The following PTF1A variants were observed in gnomAD, a reference collection of about 807,000 sequenced individuals.
The protein encoded by PTF1A is pancreas associated transcription factor 1a.
In PTF1A, 18 loss-of-function variants were observed where a neutral mutation model predicts 22.6. The observed-to-expected ratio is 0.80, with a 90% CI of 0.55 to 1.18. The LOEUF is 1.18. Among genes scored for constraint, PTF1A ranks in the 50% most tolerant of loss-of-function variants. The probability of loss-of-function intolerance (pLI) is 0.00; values close to 1 mark genes in which losing one functional copy is unlikely to be tolerated. For synonymous variants in PTF1A, 259 were observed against 227.9 expected (o/e 1.14, Z -1.23); for missense variants, 477 against 473.0 (o/e 1.01, Z -0.08).
At chr10:23,193,413 A>ACAATC in intron 1 of PTF1A, 99 bp downstream of exon 1, 1 of 1,193,236 alleles carries the variant, frequency 8.4e-7, no homozygotes, top group Non-Finnish European at 1.1e-6. Flanking sequence ...AGTCGGACCG[A>ACAATC]CGGATTGTCG....
rs761959745 is a variant in PTF1A at position 23,192,514 on chromosome 10, C to T, written c.-17C>T. On this transcript the variant is annotated 5_prime_UTR_variant, in exon 1 of 2. Coordinates refer to ENST00000376504, the MANE Select transcript of PTF1A (RefSeq NM_178161.3). ...ACGCGCAGCCCGGCAGTCCCGCTGC[C>T]CACTGCGGCGGCGAGCATGGACGCG... The T allele has an allele frequency of 1.3e-6, 2 of 1,594,586 alleles. No individual in the cohort carries two copies. The highest frequency in any genetic ancestry group is 4.7e-5 in the East Asian group (2 of 42,434).
Position 23,192,611 on chromosome 10 carries a change from C to T in PTF1A, c.81C>T (p.Phe27=), listed in dbSNP as rs766603590. The T allele has an allele frequency of 2.5e-6, 4 of 1,603,828 alleles. No homozygotes were observed. The East Asian group carries it at 9.2e-5, about 37-fold the overall frequency. ...CGTACTTCGACGAGGACGACTTCTT[C>T]ACCGACCAGTCTTCACGGGACCCCC... ...PSSYFDEDDF[F]TDQSSRDPLE... The change falls in exon 1 of 2, where the codon TTC becomes TTT. Residue 27 remains phenylalanine, a synonymous_variant. Transcript: ENST00000376504.
chr10:23,192,743 GC>G lies in PTF1A; in HGVS notation c.216del (p.Ala73ArgfsTer7). 1 of 1,465,406 alleles carries G rather than the reference GC, an allele frequency of 6.8e-7. No individual in the cohort carries two copies. The highest frequency in any genetic ancestry group is 9.0e-7 in the Non-Finnish European group (1 of 1,109,766). The allele number at this position is 1,465,406 out of a possible 1,614,324, so 90.8% of individuals were successfully genotyped here. A position where few individuals can be genotyped will look rare whatever the true frequency, so the allele number is the denominator to read the frequency against. On this transcript the variant is annotated frameshift_variant, in exon 1 of 2. Coordinates refer to ENST00000376504, the MANE Select transcript of PTF1A (RefSeq NM_178161.3). LOFTEE classifies it high-confidence loss of function. The stretch of plus-strand genomic sequence containing the variant: ...GCGACGGGGCGTGCCTGCTGCTGCA[GC>G]CCGCGCCCCCGGCCGCCCCGCTAGC... ...YRDGACLLLQ[P>X]APPAAPLALA...
Position 23,193,797 on chromosome 10 carries a change from ATAT to A in PTF1A, c.882_884del (p.Ile295del), listed in dbSNP as rs753932403. ...GATGAAAAACAACTCAAGGAACAAA[ATAT>A]TATCCGAACAGCCAAAGTCTGGACC... is the stretch of plus-strand genomic sequence containing the variant. On this transcript the variant is annotated inframe_deletion, in exon 2 of 2. Coordinates refer to ENST00000376504, the MANE Select transcript of PTF1A (RefSeq NM_178161.3). 2.1e-5 allele frequency: 34 copies of A among 1,613,926 alleles called. No individual in the cohort carries two copies. Among genetic ancestry groups the A allele is most frequent in the African/African-American group, 4.0e-5 (3 of 75,024 alleles).
Position 23,192,369 on chromosome 10 carries a change from G to T in PTF1A, c.-162G>T. 1.2e-6 allele frequency: 1 copy of T among 835,632 alleles called. No homozygotes were observed. The highest frequency in any genetic ancestry group is 1.7e-6 in the Non-Finnish European group (1 of 590,002). The allele number at this position is 835,632 out of a possible 1,614,324, so 51.8% of individuals were successfully genotyped here. On this transcript the variant is annotated 5_prime_UTR_variant, in exon 1 of 2. Transcript: ENST00000376504. ...GCGCGAGCGCGGGCCAGAGCGCAGC[G>T]GCCGCGGGCACTCCAGGGAGGCCCG...
Position 23,194,009 on chromosome 10 carries a change from G to C in PTF1A, c.*103G>C. ...ATTTAAGAATCAAATTTTTCGAATG[G>C]CAATCAACTGTTTATTATTTATCTA... On this transcript the variant is annotated 3_prime_UTR_variant, in exon 2 of 2. Transcript: ENST00000376504. 1.1e-6 allele frequency: 1 copy of C among 871,812 alleles called. No homozygotes were observed. 54.0% of individuals were successfully genotyped at this position (871,812 alleles called of 1,614,324 possible).
chr10:23,192,455 T>G lies in PTF1A; in HGVS notation c.-76T>G, dbSNP rs555444660. The G allele has an allele frequency of 6.4e-7, 1 of 1,559,560 alleles. No individual in the cohort carries two copies. Among genetic ancestry groups the G allele is most frequent in the African/African-American group, 1.4e-5 (1 of 71,638 alleles). The stretch of plus-strand genomic sequence containing the variant: ...AGCCAGGGCCCCGGGAGGGAGGGGC[T>G]CGGACGGGCCTTAGAAACTCACCAA... On this transcript the variant is annotated 5_prime_UTR_variant, in exon 1 of 2. Transcript: ENST00000376504.
In PTF1A at chr10:23,192,326, A is replaced by G. The variant is rs1840896317; in HGVS notation, c.-205A>G. 2.2e-6 allele frequency: 1 copy of G among 460,164 alleles called. No individual in the cohort carries two copies. Among genetic ancestry groups the G allele is most frequent in the East Asian group, 4.0e-5 (1 of 25,012 alleles). 28.5% of individuals were successfully genotyped at this position (460,164 alleles called of 1,614,324 possible). On this transcript the variant is annotated 5_prime_UTR_variant, in exon 1 of 2. Coordinates refer to ENST00000376504, the MANE Select transcript of PTF1A (RefSeq NM_178161.3). ...GGCCCTCAGCTCCAGGAAGTCCGCC[A>G]CAGCCCTCCCCAGCGCAGCGCGAGC...
In PTF1A at chr10:23,193,023, C is replaced by A; in HGVS notation, c.493C>A (p.Arg165=). ...VRSEAELQQL[R]QAANVRERRR... is the part of the protein sequence containing the mutation. ...CTCCGAGGCGGAGCTGCAGCAGCTG[C>A]GGCAGGCGGCCAACGTGCGCGAGCG... is the stretch of plus-strand genomic sequence containing the variant. The change falls in exon 1 of 2, where the codon CGG becomes AGG. Residue 165 remains arginine (R), a synonymous_variant. Transcript: ENST00000376504. 7.8e-7 allele frequency: 1 copy of A among 1,281,474 alleles called. No individual in the cohort carries two copies. The highest frequency in any genetic ancestry group is 1.0e-6 in the Non-Finnish European group (1 of 1,000,716). The allele number at this position is 1,281,474 out of a possible 1,614,324, so 79.4% of individuals were successfully genotyped here.
Position 23,192,499 on chromosome 10 carries a change from C to G in PTF1A, c.-32C>G, listed in dbSNP as rs748901036. ...TCACCAAGAACTAACACGCGCAGCCCGGCAGTCCCGCTGCCCACTGCGGCG... is the reference window on the plus strand; with the variant it reads ...TCACCAAGAACTAACACGCGCAGCCGGGCAGTCCCGCTGCCCACTGCGGCG... On this transcript the variant is annotated 5_prime_UTR_variant, in exon 1 of 2. Transcript: ENST00000376504. 1.3e-5 allele frequency: 21 copies of G among 1,594,244 alleles called. No individual in the cohort carries two copies. Among genetic ancestry groups the G allele is most frequent in the South Asian group, 8.8e-5 (8 of 90,404 alleles).
chr10:23,193,479 T>A (rs1588563319), intron 1 of PTF1A, 165 bp downstream of exon 1: 6 of 786,042 alleles, frequency 7.6e-6, no homozygotes, highest in Admixed American at 3.2e-5. Flanking sequence ...TTTTTTTTTT[T>A]TATTTTTCTG....
chr10:23,193,608 C>T (rs1263140446), intron 1 of PTF1A, 96 bp from the exon 2 acceptor site: 36 of 952,632 alleles, frequency 3.8e-5, no homozygotes, highest in Non-Finnish European at 5.2e-5. Context: ...CTAGTATAAC[C>T]GGAGAGCACC....
rs947774689 is a variant in PTF1A, at chr10:23,194,019, GTTTATTA to G, written c.*119_*125del. 3 of 808,198 alleles carry G rather than the reference GTTTATTA, an allele frequency of 3.7e-6. No homozygotes were observed. Among genetic ancestry groups the G allele is most frequent in the Admixed American group, 2.0e-5 (1 of 50,766 alleles). 50.1% of individuals were successfully genotyped at this position (808,198 alleles called of 1,614,324 possible). A position where few individuals can be genotyped will look rare whatever the true frequency, so the allele number is the denominator to read the frequency against. On this transcript the variant is annotated 3_prime_UTR_variant, in exon 2 of 2. Transcript: ENST00000376504. ...CAAATTTTTCGAATGGCAATCAACT[GTTTATTA>G]TTTATCTATTTATTATCCTGTTGAG...
chr10:23,192,809 C>G lies in PTF1A; in HGVS notation c.279C>G (p.Asp93Glu), dbSNP rs1840909320. 7.7e-7 allele frequency: 1 copy of G among 1,303,804 alleles called. No individual in the cohort carries two copies. The highest frequency in any genetic ancestry group is 9.7e-7 in the Non-Finnish European group (1 of 1,032,684). The allele number at this position is 1,303,804 out of a possible 1,614,324, so 80.8% of individuals were successfully genotyped here. ...CCTCGGGGGGCCTCGGTGAGCCAGA[C>G]GACGGCGGCGGCGGCGGCTACTGCT... ...PPSSGGLGEP[D>E]DGGGGGYCCE... Residue 93 changes from aspartate to glutamate, a missense_variant, in exon 1 of 2, where the codon GAC (aspartate) becomes GAG (glutamate). Coordinates refer to ENST00000376504, the MANE Select transcript of PTF1A (RefSeq NM_178161.3).
At position 23,193,756 on chromosome 10, in the gene PTF1A, C is replaced by T. The variant is rs759032576; in HGVS notation, c.837C>T (p.His279=). The T allele has an allele frequency of 3.1e-6, 5 of 1,613,656 alleles. No homozygotes were observed. In the African/African-American group the frequency reaches 4.0e-5, roughly 13 times the overall value. The part of the protein sequence containing the change: ...PDYGLPPLAG[H]SLSWTDEKQL... ...ATGGCCTCCCTCCCCTAGCAGGACA[C>T]TCTCTCTCATGGACTGATGAAAAAC... The change falls in exon 2 of 2, where the codon CAC becomes CAT. Residue 279 remains histidine, a synonymous_variant. Coordinates refer to ENST00000376504, the MANE Select transcript of PTF1A (RefSeq NM_178161.3).
At position 23,193,652 on chromosome 10, in the gene PTF1A, A is replaced by G. The variant is rs376111936; in HGVS notation, c.785-52A>G. Reference sequence around the variant, plus strand: ...GGTCCTAAAGGACCTGATGGGACCAATGGGAATGTGGTTGGATATTCACAG... The same window carrying G: ...GGTCCTAAAGGACCTGATGGGACCAGTGGGAATGTGGTTGGATATTCACAG... On this transcript the variant is annotated intron_variant, in intron 1 of 1. Coordinates refer to ENST00000376504, the MANE Select transcript of PTF1A (RefSeq NM_178161.3). 5.6e-5 allele frequency: 72 copies of G among 1,288,638 alleles called. No homozygotes were observed. In the East Asian group the frequency reaches 8.6e-4, roughly 15 times the overall value. 79.8% of individuals were successfully genotyped at this position (1,288,638 alleles called of 1,614,324 possible). A position where few individuals can be genotyped will look rare whatever the true frequency, so the allele number is the denominator to read the frequency against.
chr10:23,193,366 C>T (rs1185166399), intron 1 of PTF1A, 52 bp downstream of exon 1: 4 of 1,422,558 alleles, frequency 2.8e-6, no homozygotes, highest in Middle Eastern at 2.6e-4. Context: ...CACTCGAAGG[C>T]TCCGGAGGGG....
At position 23,193,983 on chromosome 10, in the gene PTF1A, A is replaced by T; in HGVS notation, c.*77A>T. On this transcript the variant is annotated 3_prime_UTR_variant, in exon 2 of 2. Coordinates refer to ENST00000376504, the MANE Select transcript of PTF1A (RefSeq NM_178161.3). The stretch of plus-strand genomic sequence containing the variant: ...ATGTAAATATCTATAATGTAAATGT[A>T]ATTTAAGAATCAAATTTTTCGAATG... 1 of 1,216,886 alleles carries T rather than the reference A, an allele frequency of 8.2e-7. No individual in the cohort carries two copies. Among genetic ancestry groups the T allele is most frequent in the Non-Finnish European group, 1.2e-6 (1 of 822,318 alleles). The allele number at this position is 1,216,886 out of a possible 1,614,324, so 75.4% of individuals were successfully genotyped here.
In PTF1A at chr10:23,192,324, C is replaced by T. The variant is rs1315756633; in HGVS notation, c.-207C>T. The T allele has an allele frequency of 8.8e-6, 4 of 456,518 alleles. No homozygotes were observed. The highest frequency in any genetic ancestry group is 4.0e-5 in the East Asian group (1 of 24,984). The allele number at this position is 456,518 out of a possible 1,614,324, so 28.3% of individuals were successfully genotyped here. A position where few individuals can be genotyped will look rare whatever the true frequency, so the allele number is the denominator to read the frequency against. ...CCGGCCCTCAGCTCCAGGAAGTCCG[C>T]CACAGCCCTCCCCAGCGCAGCGCGA... On this transcript the variant is annotated 5_prime_UTR_variant, in exon 1 of 2. Coordinates refer to ENST00000376504, the MANE Select transcript of PTF1A (RefSeq NM_178161.3).
Sources: allele counts gnomAD v4.1 joint callset, GRCh38; gene constraint gnomAD v4.1.1; transcripts MANE v1.5; gene names NCBI Gene and HGNC (gene_info 2026-07-23, HGNC 2026-07-21).